Variants in COL5A2 observed in about 807,000 individuals in gnomAD.
COL5A2 encodes collagen alpha-2(V) chain.
In COL5A2, 23 loss-of-function variants were observed where a neutral mutation model predicts 208.2. The ratio of observed to expected loss-of-function variants is 0.11; its 90% CI spans 0.08 to 0.16. COL5A2 has a LOEUF of 0.16. Among genes scored for constraint, COL5A2 ranks in the 10% least tolerant of loss-of-function variants. The pLI is 1.00. For missense variants in COL5A2, 1,590 were observed against 1,956.4 expected (o/e 0.81, Z 3.53); for synonymous variants, 625 against 628.5 (o/e 0.99, Z 0.08).
the COL5A2 span, among the ~76,000 whole-genome samples, chr2:189,305,327 C>T: frequency 3.9e-5 from 6 of 152,196 alleles, no homozygotes; most frequent in Non-Finnish European, 7.3e-5. Flanking sequence ...GAAACTTAAT[C>T]GCCAATGCAG....
chr2:189,073,741 T>C (rs1159638074), intron 17 of COL5A2, among the ~76,000 whole-genome samples: 1 of 152,172 alleles, frequency 6.6e-6, no homozygotes, highest in Non-Finnish European at 1.5e-5. Flanking sequence ...ACTATTAAAG[T>C]CACATAATTT....
chr2:189,057,921 T>C (rs1490963715), intron 33 of COL5A2, among the ~76,000 whole-genome samples: 1 of 152,168 alleles, frequency 6.6e-6, no homozygotes. Flanking sequence ...CTTCAATTGT[T>C]TATACTGAAG....
intron 1 of COL5A2, among the ~76,000 whole-genome samples, chr2:189,193,745 T>A (rs1688959969): frequency 1.3e-5 from 2 of 152,200 alleles, no homozygotes; most frequent in Non-Finnish European, 2.9e-5. Flanking sequence ...TCTCAGATGC[T>A]CCCAAGACAT....
At chr2:189,168,237 G>GTTTTTTTTTTT (rs34356887) in intron 1 of COL5A2, among the ~76,000 whole-genome samples, 1 of 139,674 alleles carries the variant, frequency 7.2e-6, no homozygotes. Context: ...CTGTGCCCGG[G>GTTTTTTTTTTT]TTTTTTTTTT....
rs1160742580 is a variant in COL5A2, at chr2:189,075,556, T to A, written c.1060-119A>T. 3 of 728,010 alleles carry A rather than the reference T, an allele frequency of 4.1e-6. No individual in the cohort carries two copies. The Admixed American group carries it at 6.0e-5, about 15-fold the overall frequency. 45.1% of individuals were successfully genotyped at this position (728,010 alleles called of 1,614,324 possible). A position where few individuals can be genotyped will look rare whatever the true frequency, so the allele number is the denominator to read the frequency against. ...TTGAAGAATAAATATTAAAGTTAAC[T>A]GACAATAACCCTCACTCAGTTAATA... On this transcript the variant is annotated intron_variant, in intron 16 of 53. Transcript: ENST00000374866.
chr2:189,052,715 T>G (rs1314274672), intron 40 of COL5A2, 34 bp downstream of exon 40: 19 of 1,604,480 alleles, frequency 1.2e-5, no homozygotes, highest in Non-Finnish European at 1.6e-5. Flanking sequence ...TAGAATTAGC[T>G]GTGCATACTT....
At chr2:189,322,878 G>T in the COL5A2 span, among the ~76,000 whole-genome samples, 1 of 152,102 alleles carries the variant, frequency 6.6e-6, no homozygotes, top group Admixed American at 6.5e-5. Context: ...CAAAAAAAGA[G>T]AATTTTAGAC....
chr2:189,081,172 A>G, intron 12 of COL5A2, 129 bp from the exon 13 acceptor site: 1 of 729,900 alleles, frequency 1.4e-6, no homozygotes, highest in African/African-American at 1.8e-5. Flanking sequence ...AGAACAAAAA[A>G]AAGCAGTATA....
At chr2:189,220,679 T>G (rs1304071496) in intron 1 of COL5A2, among the ~76,000 whole-genome samples, 1 of 152,194 alleles carries the variant, frequency 6.6e-6, no homozygotes, top group Non-Finnish European at 1.5e-5. Flanking sequence ...AATCAACATC[T>G]GTCATCTTGG....
chr2:189,090,506 A>G (rs761984766), intron 7 of COL5A2, among the ~76,000 whole-genome samples: 1 of 152,252 alleles, frequency 6.6e-6, no homozygotes. Context: ...TAGACTTTCA[A>G]TGTACACAAA....
chr2:189,111,277 T>A (rs1044663327), intron 1 of COL5A2, among the ~76,000 whole-genome samples: 1 of 152,194 alleles, frequency 6.6e-6, no homozygotes, highest in African/African-American at 2.4e-5. Flanking sequence ...AGTTCTATTA[T>A]ACATTTACTA....
rs147688154 is a variant in COL5A2, at chr2:189,173,352, G to A, written c.97+6156C>T. 1.1e-3 allele frequency among the ~76,000 whole-genome samples: 172 copies of A among 152,184 alleles called. 1 individual carries two copies. In the South Asian group the frequency reaches 0.018, roughly 16 times the overall value. ...AATTTCCCTTATACATTGTTTCTTA[G>A]TGAATATTTTAGTATAAGATGAAGC... On this transcript the variant is annotated intron_variant, in intron 1 of 53. Coordinates refer to ENST00000374866, the MANE Select transcript of COL5A2 (RefSeq NM_000393.5).
intron 1 of COL5A2, among the ~76,000 whole-genome samples, chr2:189,211,121 G>T (rs1019764908): frequency 1.3e-5 from 2 of 152,276 alleles, no homozygotes; most frequent in Admixed American, 1.3e-4. Context: ...AGCGAAAGAC[G>T]TGGGTAAATT....
chr2:189,240,088 T>C, the COL5A2 span, among the ~76,000 whole-genome samples: 107 of 152,340 alleles, frequency 7.0e-4, no homozygotes, highest in African/African-American at 1.1e-3. Flanking sequence ...AAGTTAATGA[T>C]ATACGTGAGC....
chr2:189,362,259 A>C, the COL5A2 span, among the ~76,000 whole-genome samples: 1 of 152,220 alleles, frequency 6.6e-6, no homozygotes, highest in Non-Finnish European at 1.5e-5. Context: ...TACCTATATA[A>C]TTTTTAGACA....
chr2:189,437,117 G>T, the COL5A2 span, among the ~76,000 whole-genome samples: 1 of 152,150 alleles, frequency 6.6e-6, no homozygotes, highest in Non-Finnish European at 1.5e-5. Flanking sequence ...TAAGCAGAAT[G>T]ATCTAGGGTA....
the COL5A2 span, among the ~76,000 whole-genome samples, chr2:189,307,422 A>C: frequency 2.6e-5 from 4 of 152,338 alleles, no homozygotes; most frequent in African/African-American, 9.6e-5. Context: ...AAAAATTAAA[A>C]ATTAATAAGC....
the COL5A2 span, among the ~76,000 whole-genome samples, chr2:189,428,170 G>C: frequency 6.6e-6 from 1 of 152,170 alleles, no homozygotes; most frequent in East Asian, 1.9e-4. Flanking sequence ...AAATGATATG[G>C]TTTGGTGTGT....
At chr2:189,439,301 A>C in the COL5A2 span, among the ~76,000 whole-genome samples, 2 of 152,232 alleles carry the variant, frequency 1.3e-5, no homozygotes, top group Non-Finnish European at 2.9e-5. Context: ...CCAGAGCCTG[A>C]AAGAATGTCT....
Sources: allele counts gnomAD v4.1 joint callset (sites outside exome capture counted in the v4.1 genomes callset), GRCh38; gene constraint gnomAD v4.1.1; transcripts MANE v1.5; gene names NCBI Gene and HGNC (gene_info 2026-07-23, HGNC 2026-07-21).